The following PALS2 variants were observed in gnomAD, a reference collection of about 807,000 sequenced individuals.
The protein encoded by PALS2 is protein PALS2.
In PALS2, 27 loss-of-function variants were observed where a neutral mutation model predicts 61.6. The observed-to-expected ratio is 0.44, with a 90% CI of 0.32 to 0.60. The LOEUF (loss-of-function observed/expected upper bound fraction) is 0.60, where lower values mean the gene tolerates loss of function less well. Ranked by LOEUF, PALS2 falls within the 20% of genes least tolerant of loss-of-function variation. PALS2 has a pLI of 0.05. For missense variants in PALS2, 554 were observed against 639.4 expected (o/e 0.87, Z 1.44); for synonymous variants, 236 against 218.6 (o/e 1.08, Z -0.70).
At chr7:24,580,076 C>T (rs1235527517) in intron 1 of PALS2, among the ~76,000 whole-genome samples, 2 of 151,968 alleles carry the variant, frequency 1.3e-5, no homozygotes, top group East Asian at 1.9e-4. Context: ...GTGAGGGATT[C>T]GTTTAGAGAA....
At chr7:24,654,427 A>G (rs969104163) in intron 5 of PALS2, among the ~76,000 whole-genome samples, 8 of 152,238 alleles carry the variant, frequency 5.3e-5, no homozygotes, top group African/African-American at 1.9e-4. Context: ...TTACCAAGGT[A>G]CCTGAAAATA....
At chr7:24,647,739 A>G (rs1785916201) in intron 3 of PALS2, among the ~76,000 whole-genome samples, 1 of 152,200 alleles carries the variant, frequency 6.6e-6, no homozygotes, top group Admixed American at 6.5e-5. Flanking sequence ...TTGCAGTTTC[A>G]AGTGGTAACA....
intron 1 of PALS2, among the ~76,000 whole-genome samples, chr7:24,591,183 G>C (rs963724503): frequency 1.6e-4 from 24 of 152,024 alleles, no homozygotes; most frequent in Non-Finnish European, 8.8e-5. Flanking sequence ...TAATAGTTTT[G>C]AGGTATACTA....
intron 1 of PALS2, among the ~76,000 whole-genome samples, chr7:24,608,059 A>G (rs1171974810): frequency 1.3e-5 from 2 of 152,280 alleles, no homozygotes; most frequent in Admixed American, 6.5e-5. Flanking sequence ...ATACACATAC[A>G]TACACATATT....
chr7:24,612,056 T>C (rs1784133512), intron 1 of PALS2, among the ~76,000 whole-genome samples: 1 of 152,046 alleles, frequency 6.6e-6, no homozygotes, highest in African/African-American at 2.4e-5. Flanking sequence ...TGTCTGTTTC[T>C]ACTCCTACCA....
At position 24,596,657 on chromosome 7, in the gene PALS2, A is replaced by G. The variant is rs1439385473; in HGVS notation, c.-3+23064A>G. On this transcript the variant is annotated intron_variant, in intron 1 of 11. Transcript: ENST00000222644. The surrounding 1 kb of genome is among the most constrained non-coding windows in gnomAD (Gnocchi z 4.5). The stretch of plus-strand genomic sequence containing the variant: ...AATTTACTCAAAGCAGGACTACTAC[A>G]TTGTGAGAGTAAATTGGCAACAGTG... 6.6e-6 allele frequency among the ~76,000 whole-genome samples: 1 copy of G among 152,166 alleles called. No homozygotes were observed. Among genetic ancestry groups the G allele is most frequent in the Non-Finnish European group, 1.5e-5 (1 of 68,018 alleles).
rs1311435303 is a variant in PALS2 at position 24,693,356 on chromosome 7, C to G, written c.*5742C>G. ...GTCATATATGAAATTTGGCTCTCCT[C>G]CTATCAAAGTAGCCTAGGAGCTTGG... On this transcript the variant is annotated 3_prime_UTR_variant, in exon 12 of 12. Coordinates refer to ENST00000222644, the MANE Select transcript of PALS2 (RefSeq NM_001303037.2). 1 of 152,140 alleles carries G rather than the reference C, an allele frequency of 6.6e-6. No homozygotes were observed. Among genetic ancestry groups the G allele is most frequent in the African/African-American group, 2.4e-5 (1 of 41,440 alleles). The allele number at this position is 152,140 out of a possible 1,614,324, so 9.4% of individuals were successfully genotyped here. A position where few individuals can be genotyped will look rare whatever the true frequency, so the allele number is the denominator to read the frequency against.
At chr7:24,608,513 T>A (rs1481343838) in intron 1 of PALS2, among the ~76,000 whole-genome samples, 1 of 152,226 alleles carries the variant, frequency 6.6e-6, no homozygotes, top group African/African-American at 2.4e-5. Flanking sequence ...ATTTGTCATC[T>A]TTGTTCTGCA....
intron 5 of PALS2, among the ~76,000 whole-genome samples, chr7:24,660,674 A>G (rs1051660528): frequency 4.6e-5 from 7 of 152,166 alleles, no homozygotes; most frequent in Non-Finnish European, 8.8e-5. Flanking sequence ...ATTAGGAATG[A>G]TGTAGTCTTG....
chr7:24,663,825 A>G, intron 6 of PALS2, 104 bp downstream of exon 6: 1 of 1,378,752 alleles, frequency 7.3e-7, no homozygotes, highest in East Asian at 2.4e-5. Context: ...TGTTACAATG[A>G]TTTTTCCCAC....
intron 1 of PALS2, among the ~76,000 whole-genome samples, chr7:24,581,581 T>G (rs1239993952): frequency 1.3e-5 from 2 of 152,124 alleles, no homozygotes; most frequent in Non-Finnish European, 2.9e-5. Context: ...TCAGGGATGA[T>G]TTTGCTGAAC....
chr7:24,658,664 C>G (rs1786550575), intron 5 of PALS2, among the ~76,000 whole-genome samples: 1 of 151,012 alleles, frequency 6.6e-6, no homozygotes, highest in Admixed American at 6.6e-5. Flanking sequence ...TCAAGTGATT[C>G]TCCTGCCTGA....
rs767797701 is a variant in PALS2, at chr7:24,669,648, T to TA, written c.1114+989dup. ...AACCCTATCTCTTTTAATTGAATTTTAGAGTTTCCCTGGTTTTGTCCAGTA... is the reference window on the plus strand; with the variant it reads ...AACCCTATCTCTTTTAATTGAATTTTAAGAGTTTCCCTGGTTTTGTCCAGTA... On this transcript the variant is annotated intron_variant, in intron 9 of 11. Transcript: ENST00000222644. Among the ~76,000 whole-genome samples, 15 of 152,348 alleles carry TA rather than the reference T, an allele frequency of 9.8e-5. 1 individual carries two copies. Among genetic ancestry groups the TA allele is most frequent in the Admixed American group, 7.2e-4 (11 of 15,300 alleles).
chr7:24,602,627 T>G (rs77510095), intron 1 of PALS2, among the ~76,000 whole-genome samples: 2,105 of 152,270 alleles, frequency 0.014, 34 homozygotes, highest in South Asian at 0.064. Flanking sequence ...CATTTAATAA[T>G]CCTGTCTTCT....
intron 10 of PALS2, among the ~76,000 whole-genome samples, chr7:24,679,571 A>G (rs773574915): frequency 3.3e-5 from 5 of 152,056 alleles, no homozygotes; most frequent in African/African-American, 4.8e-5. Flanking sequence ...TAGATCTACA[A>G]TAGAAGTTTA....
intron 11 of PALS2, among the ~76,000 whole-genome samples, chr7:24,684,015 C>CGTGGT: frequency 6.6e-6 from 1 of 152,232 alleles, no homozygotes; most frequent in African/African-American, 2.4e-5. Context: ...ACATAACCAC[C>CGTGGT]ACTAGTATCA....
At chr7:24,624,211 C>T in intron 2 of PALS2, 1 of 1,040,172 alleles carries the variant, frequency 9.6e-7, no homozygotes, top group Non-Finnish European at 1.3e-6. Flanking sequence ...TTATTTGTTG[C>T]ATAAGCCTGG....
intron 8 of PALS2, chr7:24,666,956 C>T (rs1198707723): frequency 6.6e-6 from 1 of 152,096 alleles, no homozygotes; most frequent in Non-Finnish European, 1.5e-5. Flanking sequence ...AAAGTACTTT[C>T]TTGACTTCAG....
At chr7:24,607,109 T>C (rs890739873) in intron 1 of PALS2, among the ~76,000 whole-genome samples, 6 of 152,182 alleles carry the variant, frequency 3.9e-5, no homozygotes, top group African/African-American at 1.4e-4. Flanking sequence ...TATAACCTTA[T>C]GAGTTGTATC....
Sources: allele counts gnomAD v4.1 joint callset (sites outside exome capture counted in the v4.1 genomes callset), GRCh38; gene constraint gnomAD v4.1.1; non-coding constraint Gnocchi (gnomAD v3.1); transcripts MANE v1.5; gene names NCBI Gene and HGNC (gene_info 2026-07-23, HGNC 2026-07-21).